The following CNIH3 variants were observed in gnomAD, a reference collection of about 807,000 sequenced individuals.
CNIH3 encodes cornichon family AMPA receptor auxiliary protein 3.
CNIH3 carries 14 observed loss-of-function variants against 24.1 expected under a neutral mutation model. The ratio of observed to expected loss-of-function variants is 0.58; its 90% confidence interval spans 0.38 to 0.91. The LOEUF (loss-of-function observed/expected upper bound fraction) is 0.91, where lower values mean the gene tolerates loss of function less well. Ranked by LOEUF, CNIH3 falls within the 40% of genes least tolerant of loss-of-function variation. The pLI is 0.00. For synonymous variants in CNIH3, 68 were observed against 73.8 expected (o/e 0.92, Z 0.40); for missense variants, 178 against 196.8 (o/e 0.90, Z 0.57).
chr1:224,605,542 A>T (rs1310302111), intron 3 of CNIH3, among the ~76,000 whole-genome samples: 1 of 152,192 alleles, frequency 6.6e-6, no homozygotes, highest in Admixed American at 6.5e-5. Flanking sequence ...ATTCTACATA[A>T]TTCCCAGCCA....
chr1:224,697,467 G>A (rs1020705088), intron 3 of CNIH3, among the ~76,000 whole-genome samples: 5 of 152,112 alleles, frequency 3.3e-5, no homozygotes, highest in South Asian at 4.1e-4. Flanking sequence ...TTAGAGAGCC[G>A]TAATTTTCAA....
chr1:224,445,040 A>C (rs1352643369), intron 1 of CNIH3, among the ~76,000 whole-genome samples: 4 of 151,828 alleles, frequency 2.6e-5, no homozygotes, highest in African/African-American at 9.7e-5. Flanking sequence ...TTTCTAGTGA[A>C]CGTACCCGTG....
intron 1 of CNIH3, chr1:224,435,794 CCAAA>C (rs1380840450): frequency 2.0e-5 from 3 of 152,108 alleles, no homozygotes; most frequent in African/African-American, 4.8e-5. Context: ...TGCATTATCC[CCAAA>C]CAATTATTTT....
chr1:224,444,653 C>A (rs1329295406), intron 1 of CNIH3, among the ~76,000 whole-genome samples: 6 of 141,514 alleles, frequency 4.2e-5, no homozygotes, highest in Admixed American at 3.5e-4. Context: ...CTGCTGGTTT[C>A]TTTTTTTTTT....
chr1:224,637,361 G>A (rs1306840299), intron 1 of CNIH3, among the ~76,000 whole-genome samples: 3 of 152,096 alleles, frequency 2.0e-5, no homozygotes, highest in Admixed American at 6.6e-5. Context: ...GCACCTGGAT[G>A]CCAGTCTCCA....
intron 3 of CNIH3, among the ~76,000 whole-genome samples, chr1:224,686,493 A>G (rs1266552431): frequency 6.6e-6 from 1 of 152,238 alleles, no homozygotes; most frequent in Non-Finnish European, 1.5e-5. Context: ...TTATAGCAGC[A>G]TGATTTATAA....
intron 3 of CNIH3, among the ~76,000 whole-genome samples, chr1:224,601,716 T>C (rs1488323944): frequency 1.3e-5 from 2 of 152,200 alleles, no homozygotes; most frequent in African/African-American, 4.8e-5. Flanking sequence ...CATGAGAAAA[T>C]ACATTTCTGT....
At chr1:224,500,810 C>T (rs533518883) in intron 1 of CNIH3, among the ~76,000 whole-genome samples, 1 of 152,298 alleles carries the variant, frequency 6.6e-6, no homozygotes, top group South Asian at 2.1e-4. Flanking sequence ...TGAGTGGCTA[C>T]CTGCTGCACG....
chr1:224,448,880 C>G (rs1482823848), intron 1 of CNIH3, among the ~76,000 whole-genome samples: 3 of 152,152 alleles, frequency 2.0e-5, no homozygotes, highest in Admixed American at 6.5e-5. Flanking sequence ...GCTCCAGAGG[C>G]CTCGTGCCTG....
chr1:224,736,317 G>A (rs1572843723), intron 5 of CNIH3, among the ~76,000 whole-genome samples: 1 of 151,908 alleles, frequency 6.6e-6, no homozygotes, highest in Non-Finnish European at 1.5e-5. Flanking sequence ...GTAGAGACAG[G>A]GTTTTGCTAT....
intron 3 of CNIH3, among the ~76,000 whole-genome samples, chr1:224,711,586 G>A (rs1434913396): frequency 6.6e-6 from 1 of 151,894 alleles, no homozygotes; most frequent in Non-Finnish European, 1.5e-5. Flanking sequence ...CTTGCATCTA[G>A]GAGTTTGAGA....
intron 3 of CNIH3, 63 bp from the exon 4 acceptor site, chr1:224,730,399 C>A: frequency 9.3e-7 from 1 of 1,074,240 alleles, no homozygotes; most frequent in South Asian, 1.4e-5. Flanking sequence ...AGTCAGCTGC[C>A]ATAGAAGCAG....
intron 4 of CNIH3, among the ~76,000 whole-genome samples, chr1:224,570,704 AT>A (rs1189950770): frequency 1.3e-5 from 2 of 152,096 alleles, no homozygotes; most frequent in Non-Finnish European, 2.9e-5. Context: ...CTTATCAAAC[AT>A]TTCCTTTATA....
chr1:224,588,991 T>C (rs1681636036), downstream of CNIH3, among the ~76,000 whole-genome samples: 1 of 150,032 alleles, frequency 6.7e-6, no homozygotes, highest in Admixed American at 6.7e-5. Context: ...TTTGGAGCCA[T>C]TTTACTGAGA....
At chr1:224,702,014 A>G (rs1035011220) in intron 3 of CNIH3, among the ~76,000 whole-genome samples, 11 of 152,160 alleles carry the variant, frequency 7.2e-5, no homozygotes, top group African/African-American at 2.4e-4. Context: ...CTGGGTTTGT[A>G]TCCTCCCGTC....
At chr1:224,651,860 G>GC (rs1684874355) in intron 1 of CNIH3, among the ~76,000 whole-genome samples, 1 of 152,140 alleles carries the variant, frequency 6.6e-6, no homozygotes, top group Non-Finnish European at 1.5e-5. Context: ...CTAAGTGAAG[G>GC]ATATGTGTAT....
chr1:224,512,119 G>A (rs575400534), upstream of CNIH3, among the ~76,000 whole-genome samples: 1 of 151,140 alleles, frequency 6.6e-6, no homozygotes, highest in East Asian at 2.0e-4. Flanking sequence ...AGGTTGCAGT[G>A]AGCCGAGATC....
At chr1:224,691,883 A>G (rs936578177) in intron 3 of CNIH3, among the ~76,000 whole-genome samples, 1 of 152,186 alleles carries the variant, frequency 6.6e-6, no homozygotes, top group African/African-American at 2.4e-5. Flanking sequence ...CAAATTTACA[A>G]ATAGATGGTT....
intron 3 of CNIH3, among the ~76,000 whole-genome samples, chr1:224,598,739 A>G (rs1682090819): frequency 6.6e-6 from 1 of 152,260 alleles, no homozygotes; most frequent in Admixed American, 6.5e-5. Flanking sequence ...GATGACTGTT[A>G]GCATTTTTTA....
Sources: gnomAD v4.1 joint callset for allele counts (sites outside exome capture counted in the v4.1 genomes callset) on GRCh38, gnomAD v4.1.1 for gene constraint, MANE v1.5 for transcripts, NCBI Gene and HGNC (gene_info 2026-07-23, HGNC 2026-07-21) for gene names.